TANC1: variants seen among roughly 807,000 people sequenced by gnomAD.
TANC1 encodes the protein tetratricopeptide repeat, ankyrin repeat and coiled-coil containing 1.
A neutral mutation model predicts 149.7 loss-of-function variants in TANC1; 77 were observed. That is an observed-to-expected ratio of 0.51 (90% CI 0.43 to 0.62). The LOEUF is 0.62. Among genes scored for constraint, TANC1 ranks in the 20% least tolerant of loss-of-function variants. The pLI is 0.00. For synonymous variants in TANC1, 854 were observed against 925.0 expected (o/e 0.92, Z 1.39); for missense variants, 1,985 against 2,321.8 (o/e 0.85, Z 2.98).
intron 1 of TANC1, among the ~76,000 whole-genome samples, chr2:158,994,217 G>A (rs192559681): frequency 6.6e-6 from 1 of 152,278 alleles, no homozygotes; most frequent in East Asian, 1.9e-4. Context: ...GAGAGGTGGT[G>A]CGTAGGAGCA....
intron 1 of TANC1, among the ~76,000 whole-genome samples, chr2:158,987,114 T>C (rs1223283330): frequency 6.8e-6 from 1 of 147,732 alleles, no homozygotes; most frequent in African/African-American, 2.5e-5. Flanking sequence ...CTCAGGAGGC[T>C]GAGGCAGGAG....
intron 4 of TANC1, among the ~76,000 whole-genome samples, chr2:159,113,974 C>T (rs1348901887): frequency 6.6e-6 from 1 of 152,188 alleles, no homozygotes; most frequent in Non-Finnish European, 1.5e-5. Flanking sequence ...GATGAGCTGA[C>T]CCATCTACAG....
intron 3 of TANC1, among the ~76,000 whole-genome samples, chr2:159,078,001 TG>T (rs1348816654): frequency 3.3e-5 from 5 of 152,236 alleles, no homozygotes; most frequent in African/African-American, 1.2e-4. Flanking sequence ...GCAAAAATTG[TG>T]TCTGTTTTTA....
In TANC1 at chr2:159,175,166, C is replaced by T. The variant is rs1303488422; in HGVS notation, c.1717C>T (p.Leu573Phe). 3 of 1,614,030 alleles carry T rather than the reference C, an allele frequency of 1.9e-6. No homozygotes were observed. The highest frequency in any genetic ancestry group is 2.5e-6 in the Non-Finnish European group (3 of 1,179,914). The change falls in exon 12 of 27, where the codon CTC becomes TTC. Residue 573 changes from leucine (L) to phenylalanine (F), a missense_variant. Physicochemically the swap from Leu to Phe is conservative, Grantham distance 22. This residue lies in a region of TANC1 where 508 missense variants were observed against 714.2 expected (regional missense o/e 0.71). Coordinates refer to ENST00000263635, the MANE Select transcript of TANC1 (RefSeq NM_033394.3). ...AAFKRGVLEPLTNLRNEQKIP... is the reference protein window; with the variant it reads ...AAFKRGVLEPFTNLRNEQKIP... The stretch of plus-strand genomic sequence containing the variant: ...TTTCAAGAGGGGAGTGCTGGAGCCA[C>T]TCACAAACCTGAGAAATGGTACTTC...
At chr2:159,214,139 A>G (rs377287151) in intron 19 of TANC1, among the ~76,000 whole-genome samples, 5 of 49,206 alleles carry the variant, frequency 1.0e-4, no homozygotes, top group East Asian at 7.9e-4. Context: ...AAAAAAAAAA[A>G]AAGGGGGAAT....
intron 3 of TANC1, among the ~76,000 whole-genome samples, chr2:159,077,305 A>G (rs2043799317): frequency 6.6e-6 from 1 of 152,228 alleles, no homozygotes. Context: ...TCCTAATTCC[A>G]TCCTATTCTA....
intron 1 of TANC1, among the ~76,000 whole-genome samples, chr2:158,971,963 G>A (rs559404228): frequency 2.6e-5 from 4 of 152,182 alleles, no homozygotes; most frequent in South Asian, 4.1e-4. Flanking sequence ...TTAATATGTG[G>A]CAATTTCTCA....
chr2:159,156,599 T>A (rs2053464359), intron 7 of TANC1, among the ~76,000 whole-genome samples: 1 of 152,222 alleles, frequency 6.6e-6, no homozygotes, highest in South Asian at 2.1e-4. Flanking sequence ...GAGCAAGTTG[T>A]GAATTACTGA....
chr2:159,120,372 A>AT (rs1005938637), intron 4 of TANC1, among the ~76,000 whole-genome samples: 132 of 151,130 alleles, frequency 8.7e-4, no homozygotes, highest in East Asian at 1.7e-3. Context: ...TTTTTTTTTA[A>AT]TTTTTTTTTA....
At chr2:159,016,705 G>C (rs13012488) in intron 2 of TANC1, among the ~76,000 whole-genome samples, 37,101 of 151,514 alleles carry the variant, frequency 0.24, 5,970 homozygotes, top group Non-Finnish European at 0.37. Context: ...CTCCCAAGTA[G>C]CTGGGACTAC....
At chr2:159,216,848 G>A (rs7574826) in intron 19 of TANC1, among the ~76,000 whole-genome samples, 3 of 152,060 alleles carry the variant, frequency 2.0e-5, no homozygotes, top group East Asian at 3.9e-4. Flanking sequence ...GGGGAGTGAC[G>A]TGCACTCTAG....
At chr2:159,188,160 C>A (rs1398380698) in intron 16 of TANC1, among the ~76,000 whole-genome samples, 3 of 149,322 alleles carry the variant, frequency 2.0e-5, no homozygotes, top group Admixed American at 2.0e-4. Context: ...CCTTCTGTTT[C>A]TTTTATCTTT....
intron 24 of TANC1, chr2:159,226,119 G>A (rs57530016): frequency 0.015 from 4,719 of 322,746 alleles, 178 homozygotes; most frequent in African/African-American, 0.086. Context: ...GCAGTGAGCT[G>A]AGATTGCACC....
chr2:159,036,457 C>T (rs1303915324), intron 2 of TANC1, among the ~76,000 whole-genome samples: 3 of 151,998 alleles, frequency 2.0e-5, no homozygotes, highest in Non-Finnish European at 4.4e-5. Context: ...TTTGCTGCAC[C>T]CATTAAGTCA....
At position 159,012,417 on chromosome 2, in the gene TANC1, C is replaced by T. The variant is rs950838082; in HGVS notation, c.-16+11228C>T. ...AAATTCAAACACGTGCCTCTGGAACCTTAAAATACCTTGGCACTCTATTTT... is the reference window on the plus strand; with the variant it reads ...AAATTCAAACACGTGCCTCTGGAACTTTAAAATACCTTGGCACTCTATTTT... On this transcript the variant is annotated intron_variant, in intron 2 of 26. Coordinates refer to ENST00000263635, the MANE Select transcript of TANC1 (RefSeq NM_033394.3). Among the ~76,000 whole-genome samples the T allele has an allele frequency of 1.6e-4, 24 of 151,542 alleles. 1 individual carries two copies. The highest frequency in any genetic ancestry group is 1.6e-3 in the Admixed American group (24 of 15,210).
intron 25 of TANC1, chr2:159,228,425 T>C (rs887879126): frequency 2.0e-5 from 5 of 249,410 alleles, no homozygotes; most frequent in Non-Finnish European, 4.0e-5. Flanking sequence ...TAGTACTTCC[T>C]ACCTTTTTTT....
chr2:159,172,170 T>C lies in TANC1; in HGVS notation c.1401T>C (p.Ser467=), dbSNP rs750074979. 1.9e-6 allele frequency: 3 copies of C among 1,614,172 alleles called. No individual in the cohort carries two copies. Among genetic ancestry groups the C allele is most frequent in the Non-Finnish European group, 2.5e-6 (3 of 1,180,028 alleles). ...DLHFTPLLSP[S]SSTSASSTAK... ...ATTTCACTCCGTTGCTTTCACCGAG[T>C]TCTTCCACAAGTGCTTCCAGCACAG... The change falls in exon 11 of 27, where the codon AGT becomes AGC. Residue 467 remains serine (S), a synonymous_variant. Coordinates refer to ENST00000263635, the MANE Select transcript of TANC1 (RefSeq NM_033394.3).
intron 1 of TANC1, among the ~76,000 whole-genome samples, chr2:158,973,651 C>T (rs115587953): frequency 0.013 from 2,043 of 152,200 alleles, 19 homozygotes; most frequent in Non-Finnish European, 0.02. Flanking sequence ...GACAAAGTAT[C>T]CCACAAAGAA....
At position 159,188,083 on chromosome 2, in the gene TANC1, C is replaced by T. The variant is rs58992629; in HGVS notation, c.2742+1059C>T. On this transcript the variant is annotated intron_variant, in intron 16 of 26. Transcript: ENST00000263635. ...TTGTTTTGTAAAACTCCAGTGTCAC[C>T]TACATCTACACCATCTCCGAAATTA... 9.9e-3 allele frequency among the ~76,000 whole-genome samples: 1,503 copies of T among 152,274 alleles called. 23 individuals carry two copies. Among genetic ancestry groups the T allele is most frequent in the African/African-American group, 0.029 (1,207 of 41,542 alleles).
Sources: gnomAD v4.1 joint callset for allele counts (sites outside exome capture counted in the v4.1 genomes callset) on GRCh38, gnomAD v4.1.1 for gene constraint, gnomAD v4.1.1 regional missense constraint, MANE v1.5 for transcripts, NCBI Gene and HGNC (gene_info 2026-07-23, HGNC 2026-07-21) for gene names.